Variants in DPH6 observed in about 807,000 individuals in gnomAD.
DPH6 encodes the protein diphthine--ammonia ligase.
In DPH6, 33 loss-of-function variants were observed where a neutral mutation model predicts 38.2. The observed-to-expected ratio is 0.86, with a 90% CI of 0.65 to 1.15. DPH6 has a LOEUF of 1.15. Ranked by LOEUF, DPH6 falls within the 50% of genes most tolerant of loss-of-function variation. The probability of loss-of-function intolerance (pLI) is 0.00; values close to 1 mark genes in which losing one functional copy is unlikely to be tolerated. For missense variants in DPH6, 325 were observed against 320.0 expected (o/e 1.02, Z -0.12); for synonymous variants, 108 against 103.0 (o/e 1.05, Z -0.30).
intron 3 of DPH6, among the ~76,000 whole-genome samples, chr15:35,499,171 A>G (rs1411868952): frequency 6.6e-6 from 1 of 152,108 alleles, no homozygotes; most frequent in East Asian, 1.9e-4. Context: ...AACACCAGAT[A>G]TTAAATAAAC....
intron 3 of DPH6, among the ~76,000 whole-genome samples, chr15:35,309,050 A>G (rs2052117579): frequency 6.6e-6 from 1 of 152,220 alleles, no homozygotes. Context: ...TCAGCTAAAT[A>G]TACTTCACAG....
intron 5 of DPH6, among the ~76,000 whole-genome samples, chr15:35,423,293 T>C (rs939168084): frequency 4.0e-5 from 6 of 151,832 alleles, no homozygotes; most frequent in Non-Finnish European, 7.4e-5. Context: ...CCCTGATGAT[T>C]AGTGAAATTT....
intron 6 of DPH6, among the ~76,000 whole-genome samples, chr15:35,389,206 C>T (rs1242947937): frequency 2.0e-5 from 3 of 152,092 alleles, no homozygotes; most frequent in African/African-American, 7.2e-5. Flanking sequence ...GTCTGAGAGA[C>T]AGTTTGTTAT....
chr15:35,533,226 T>C (rs921970213), intron 3 of DPH6, among the ~76,000 whole-genome samples: 2 of 152,134 alleles, frequency 1.3e-5, no homozygotes, highest in African/African-American at 4.8e-5. Context: ...AACAGCCTGA[T>C]TTATATTTGG....
intron 3 of DPH6, among the ~76,000 whole-genome samples, chr15:35,470,024 C>T (rs1156871076): frequency 2.0e-5 from 3 of 152,048 alleles, no homozygotes; most frequent in Admixed American, 2.0e-4. Flanking sequence ...ATGGCGAAAC[C>T]CTGTCTCTAC....
At chr15:35,315,770 C>G (rs565707114) in intron 3 of DPH6, among the ~76,000 whole-genome samples, 4 of 152,180 alleles carry the variant, frequency 2.6e-5, no homozygotes, top group African/African-American at 7.2e-5. Context: ...TCACAATAGT[C>G]AAAATATGGA....
intron 3 of DPH6, among the ~76,000 whole-genome samples, chr15:35,524,295 C>A (rs2054966907): frequency 6.6e-6 from 1 of 152,084 alleles, no homozygotes; most frequent in African/African-American, 2.4e-5. Flanking sequence ...CAAAACACTT[C>A]ATGGACTAGC....
intron 3 of DPH6, among the ~76,000 whole-genome samples, chr15:35,227,384 C>T (rs2448809): frequency 0.53 from 80,559 of 151,168 alleles, 24,423 homozygotes; most frequent in Non-Finnish European, 0.7. Flanking sequence ...AGGGTTTCAC[C>T]GTGTTAGCCA....
the DPH6 span, among the ~76,000 whole-genome samples, chr15:35,153,756 T>C: frequency 6.6e-6 from 1 of 152,080 alleles, no homozygotes; most frequent in Non-Finnish European, 1.5e-5. Flanking sequence ...TGGAAGATCA[T>C]AGGTAACATA....
the DPH6 span, among the ~76,000 whole-genome samples, chr15:35,145,052 A>G: frequency 6.6e-6 from 1 of 152,202 alleles, no homozygotes; most frequent in Admixed American, 6.5e-5. Context: ...AATAACACTA[A>G]CCTTATGATT....
At chr15:35,154,290 T>C in the DPH6 span, among the ~76,000 whole-genome samples, 1 of 151,958 alleles carries the variant, frequency 6.6e-6, no homozygotes, top group African/African-American at 2.4e-5. Flanking sequence ...TTTTAGGCCA[T>C]AAATACATAC....
Position 35,520,938 on chromosome 15 carries a change from C to T in DPH6, c.312+17336G>A, listed in dbSNP as rs1442914077. 5 of 985,152 alleles carry T rather than the reference C, an allele frequency of 5.1e-6. No individual in the cohort carries two copies. The East Asian group carries it at 3.4e-4, about 67-fold the overall frequency. 61.0% of individuals were successfully genotyped at this position (985,152 alleles called of 1,614,324 possible). A position where few individuals can be genotyped will look rare whatever the true frequency, so the allele number is the denominator to read the frequency against. ...TCTCAAAATTCCAGAGAGATTAGCACCTTCTCTGAAATCAAAGTGCAGAAC... is the reference window on the plus strand; with the variant it reads ...TCTCAAAATTCCAGAGAGATTAGCATCTTCTCTGAAATCAAAGTGCAGAAC... On this transcript the variant is annotated intron_variant, in intron 3 of 8. Coordinates refer to ENST00000256538, the MANE Select transcript of DPH6 (RefSeq NM_080650.4).
chr15:35,164,042 G>T, the DPH6 span, among the ~76,000 whole-genome samples: 37 of 151,718 alleles, frequency 2.4e-4, no homozygotes, highest in African/African-American at 9.0e-4. Flanking sequence ...ATCTATAAAA[G>T]GTGACTTTGA....
At chr15:35,413,971 C>G (rs964245295) in intron 5 of DPH6, among the ~76,000 whole-genome samples, 3 of 151,588 alleles carry the variant, frequency 2.0e-5, no homozygotes, top group African/African-American at 7.3e-5. Flanking sequence ...TTTTTAAAGT[C>G]TTAATGTATT....
chr15:35,224,577 G>C (rs937502234), intron 3 of DPH6, among the ~76,000 whole-genome samples: 2 of 152,130 alleles, frequency 1.3e-5, no homozygotes, highest in African/African-American at 4.8e-5. Flanking sequence ...ACTTATTTGG[G>C]TAAATACCAA....
At chr15:35,394,582 T>C (rs763007745) in intron 6 of DPH6, among the ~76,000 whole-genome samples, 25 of 152,336 alleles carry the variant, frequency 1.6e-4, no homozygotes, top group Middle Eastern at 6.8e-3. Flanking sequence ...GAAAGCAGCA[T>C]TGCATCATCA....
intron 1 of DPH6, among the ~76,000 whole-genome samples, 173 bp downstream of exon 1, chr15:35,545,946 G>A (rs564759620): frequency 1.3e-5 from 2 of 149,432 alleles, no homozygotes; most frequent in South Asian, 4.2e-4. Flanking sequence ...AGGGGCCGAG[G>A]CACATGCGGG....
At chr15:35,542,945 A>AATAT (rs67141062) in intron 1 of DPH6, among the ~76,000 whole-genome samples, 2,455 of 30,224 alleles carry the variant, frequency 0.081, 350 homozygotes, top group African/African-American at 0.19. Flanking sequence ...CCACTTAAGG[A>AATAT]ATATATATAT....
chr15:35,396,384 G>A (rs191565458), intron 6 of DPH6: 1 of 152,108 alleles, frequency 6.6e-6, no homozygotes, highest in East Asian at 1.9e-4. Context: ...GGGCTTTAAC[G>A]CTGAATATGC....
Sources: gnomAD v4.1 joint callset for allele counts (sites outside exome capture counted in the v4.1 genomes callset) on GRCh38, gnomAD v4.1.1 for gene constraint, MANE v1.5 for transcripts, NCBI Gene and HGNC (gene_info 2026-07-23, HGNC 2026-07-21) for gene names.